The following PTBP1 variants were observed in gnomAD, a reference collection of about 807,000 sequenced individuals.
PTBP1 encodes polypyrimidine tract-binding protein 1.
PTBP1 carries 8 observed loss-of-function variants against 59.8 expected under a neutral mutation model. That is an observed-to-expected ratio of 0.13 (90% CI 0.08 to 0.24). PTBP1 has a LOEUF of 0.24. Ranked by LOEUF, PTBP1 falls within the 10% of genes least tolerant of loss-of-function variation. The probability of loss-of-function intolerance (pLI) is 1.00; values close to 1 mark genes in which losing one functional copy is unlikely to be tolerated. For missense variants in PTBP1, 686 were observed against 767.0 expected, an observed-to-expected ratio of 0.89 and a Z score of 1.25; for synonymous variants, 490 against 320.7, an observed-to-expected ratio of 1.53 and a Z score of -5.64.
At position 808,539 on chromosome 19, in the gene PTBP1, C is replaced by A. The variant is rs1481926679; in HGVS notation, c.1247-7C>A. 1.3e-6 allele frequency: 2 copies of A among 1,581,856 alleles called. No individual in the cohort carries two copies. The highest frequency in any genetic ancestry group is 8.6e-7 in the Non-Finnish European group (1 of 1,166,344). Reference sequence around the variant, plus strand: ...GGCGCCTGGTCACGCGGGTGCTGCTCCCCCAGCCATGAGCCACCTGAACGG... The same window carrying A: ...GGCGCCTGGTCACGCGGGTGCTGCTACCCCAGCCATGAGCCACCTGAACGG... On this transcript the variant is annotated splice_polypyrimidine_tract_variant and splice_region_variant and intron_variant, in intron 12 of 14. Coordinates refer to ENST00000356948, the MANE Select transcript of PTBP1 (RefSeq NM_002819.5). This position sits in a 1 kb window ranked among gnomAD's most constrained non-coding sequence, Gnocchi z 4.7.
In PTBP1 at chr19:812,072, T is replaced by C. The variant is rs1007945078; in HGVS notation, c.*1246T>C. The C allele has an allele frequency of 6.6e-6, 1 of 152,320 alleles. No individual in the cohort carries two copies. Among genetic ancestry groups the C allele is most frequent in the African/African-American group, 2.4e-5 (1 of 41,418 alleles). The allele number at this position is 152,320 out of a possible 1,614,324, so 9.4% of individuals were successfully genotyped here. A position where few individuals can be genotyped will look rare whatever the true frequency, so the allele number is the denominator to read the frequency against. ...GACCCGAGGGGCGGCGGCGCGGTTTTTTATGGTGACACAAATGTATATTTT... is the reference window on the plus strand; with the variant it reads ...GACCCGAGGGGCGGCGGCGCGGTTTCTTATGGTGACACAAATGTATATTTT... On this transcript the variant is annotated 3_prime_UTR_variant, in exon 15 of 15. Transcript: ENST00000356948.
At position 803,582 on chromosome 19, in the gene PTBP1, T is replaced by G; in HGVS notation, c.61T>G (p.Ser21Ala). ...GTKRGSDELF[S>A]TCVTNGPFIM... is the part of the protein sequence containing the mutation. ...GCAGCGGGGATCTGACGAGCTTTTC[T>G]CTACTTGTGTCACTAACGGACCGTT... The change falls in exon 3 of 15, where the codon TCT (serine) becomes GCT (alanine). Residue 21 changes from serine (S) to alanine (A), a missense_variant. Ser to Ala is a moderately conservative substitution (Grantham distance 99, BLOSUM62 1). Transcript: ENST00000356948. 1.2e-6 allele frequency: 2 copies of G among 1,614,170 alleles called. No homozygotes were observed. The highest frequency in any genetic ancestry group is 1.7e-6 in the Non-Finnish European group (2 of 1,180,000).
chr19:806,384 T>G, intron 9 of PTBP1, 24 bp from the exon 10 acceptor site: 1 of 1,587,522 alleles, frequency 6.3e-7, no homozygotes, highest in Non-Finnish European at 8.6e-7. Flanking sequence ...GCGCCGCCGC[T>G]CATCTCACCT....
At chr19:805,801 G>A in intron 9 of PTBP1, 2 of 560,112 alleles carry the variant, frequency 3.6e-6, no homozygotes, top group South Asian at 2.0e-5. Flanking sequence ...GCCGCTAATC[G>A]CACAGTCTTT....
At chr19:807,620 C>T (rs2034644371) in intron 10 of PTBP1, 2 of 477,952 alleles carry the variant, frequency 4.2e-6, no homozygotes, top group African/African-American at 2.0e-5. Context: ...CTGCACGGTA[C>T]TTCTGCTTCC....
chr19:797,643 C>G (rs1270384300), intron 1 of PTBP1, 138 bp downstream of exon 1: 1 of 459,878 alleles, frequency 2.2e-6, no homozygotes, highest in Non-Finnish European at 3.3e-6. Context: ...TTCCTCTCCG[C>G]GTGGCGGGCG....
chr19:810,238 G>A (rs570839837), intron 13 of PTBP1, among the ~76,000 whole-genome samples: 37 of 152,356 alleles, frequency 2.4e-4, no homozygotes, highest in Middle Eastern at 6.8e-3. Flanking sequence ...ACCTGCAGGC[G>A]GAGGTTGTGG....
Position 805,443 on chromosome 19 carries a change from T to G in PTBP1, c.893-49T>G, listed in dbSNP as rs770970261. Reference sequence around the variant, plus strand: ...GCCCATCCCGCAGCACAGCGCCCGCTCGCGGTGGAGGTTGTGGGTGCGATG... The same window carrying G: ...GCCCATCCCGCAGCACAGCGCCCGCGCGCGGTGGAGGTTGTGGGTGCGATG... On this transcript the variant is annotated intron_variant, in intron 8 of 14. Transcript: ENST00000356948. 40 of 1,547,086 alleles carry G rather than the reference T, an allele frequency of 2.6e-5. No homozygotes were observed. In the African/African-American group the frequency reaches 5.2e-4, roughly 20 times the overall value.
chr19:797,861 G>A (rs985252685), intron 1 of PTBP1, among the ~76,000 whole-genome samples: 1 of 148,530 alleles, frequency 6.7e-6, no homozygotes, highest in Non-Finnish European at 1.5e-5. Flanking sequence ...CGCGCGCCCG[G>A]ATGGCCCTTC....
rs375475389 is a variant in PTBP1 at position 808,483 on chromosome 19, G to A, written c.1246+31G>A. 503 of 1,564,410 alleles carry A rather than the reference G, an allele frequency of 3.2e-4. No homozygotes were observed. Among genetic ancestry groups the A allele is most frequent in the Admixed American group, 6.8e-4 (36 of 53,206 alleles). ...AGGCCGGGGCGGCCCCGGGGTGGAG[G>A]GGGCAGGGGCGGGGGCTGCGTTCCC... On this transcript the variant is annotated intron_variant, in intron 12 of 14. Coordinates refer to ENST00000356948, the MANE Select transcript of PTBP1 (RefSeq NM_002819.5). This position sits in a 1 kb window ranked among gnomAD's most constrained non-coding sequence, Gnocchi z 4.7.
At chr19:802,770 CG>C (rs1024595170) in intron 2 of PTBP1, among the ~76,000 whole-genome samples, 4 of 152,138 alleles carry the variant, frequency 2.6e-5, no homozygotes, top group Non-Finnish European at 4.4e-5. Context: ...ATCCTTGCAG[CG>C]GGGGGGATGT....
At chr19:806,612 G>A (rs2034591515) in intron 10 of PTBP1, 56 bp downstream of exon 10, 1 of 1,434,896 alleles carries the variant, frequency 7.0e-7, no homozygotes, top group Non-Finnish European at 9.2e-7. Context: ...AGCAGGGGAT[G>A]TTGTGCTCGG....
At chr19:798,422 T>G (rs2034178220) in intron 1 of PTBP1, 1 of 152,288 alleles carries the variant, frequency 6.6e-6, no homozygotes, top group Non-Finnish European at 1.5e-5. Context: ...TCCGTTTTCC[T>G]GAGAAGTTTT....
Position 804,918 on chromosome 19 carries a change from G to C in PTBP1, c.696G>C (p.Val232=). The C allele has an allele frequency of 6.2e-7, 1 of 1,613,858 alleles. No homozygotes were observed. The highest frequency in any genetic ancestry group is 1.3e-5 in the African/African-American group (1 of 75,024). ...CCCTGCTGCAGTATGCGGACCCCGT[G>C]AGCGCCCAGCACGCCAAGCTGGTGA... The part of the protein sequence containing the change: ...FQALLQYADP[V]SAQHAKLSLD... Residue 232 remains valine (V), a synonymous_variant, in exon 7 of 15, where the codon GTG becomes GTC. Transcript: ENST00000356948.
chr19:801,632 C>T (rs907151511), intron 2 of PTBP1, among the ~76,000 whole-genome samples: 6 of 152,204 alleles, frequency 3.9e-5, no homozygotes, highest in African/African-American at 4.8e-5. Context: ...TGGACGGGGT[C>T]GGCTCCTGGG....
In PTBP1 at chr19:808,063, T is replaced by C. The variant is rs1376066196; in HGVS notation, c.1153+161T>C. ...GGTTTGCGAATTTTATTTGGTCCCGTAGATACGTACGCATGGTTTATCGCC... is the reference window on the plus strand; with the variant it reads ...GGTTTGCGAATTTTATTTGGTCCCGCAGATACGTACGCATGGTTTATCGCC... On this transcript the variant is annotated intron_variant, in intron 11 of 14. Transcript: ENST00000356948. This position sits in a 1 kb window ranked among gnomAD's most constrained non-coding sequence, Gnocchi z 4.7. The C allele has an allele frequency of 1.4e-6, 1 of 719,710 alleles. No individual in the cohort carries two copies. The highest frequency in any genetic ancestry group is 1.6e-5 in the South Asian group (1 of 60,908). The allele number at this position is 719,710 out of a possible 1,614,324, so 44.6% of individuals were successfully genotyped here. A position where few individuals can be genotyped will look rare whatever the true frequency, so the allele number is the denominator to read the frequency against.
chr19:807,901 C>T lies in PTBP1; in HGVS notation c.1152C>T (p.Phe384=), dbSNP rs138165723. The change falls in exon 11 of 15, where the codon TTC becomes TTT. Residue 384 remains phenylalanine, a splice_region_variant and synonymous_variant. Transcript: ENST00000356948. ...RVTPQSLFIL[F]GVYGDVQRVK... is the part of the protein sequence containing the mutation. Reference sequence around the variant, plus strand: ...CACCCCAAAGCCTCTTTATTCTTTTCGGTATGTTATCGTTCACACTTTTAT... The same window carrying T: ...CACCCCAAAGCCTCTTTATTCTTTTTGGTATGTTATCGTTCACACTTTTAT... 3.1e-6 allele frequency: 5 copies of T among 1,612,302 alleles called. No individual in the cohort carries two copies. The highest frequency in any genetic ancestry group is 1.7e-4 in the Middle Eastern group (1 of 6,060).
rs141351844 is a variant in PTBP1 at position 801,471 on chromosome 19, A to G, written c.39+2028A>G. ...GATTAGGGCTTCAGGCAGGCGGCCA[A>G]GAGGACCGCTCAGAGGAAGCGGCCC... On this transcript the variant is annotated intron_variant, in intron 2 of 14. Coordinates refer to ENST00000356948, the MANE Select transcript of PTBP1 (RefSeq NM_002819.5). Among the ~76,000 whole-genome samples the G allele has an allele frequency of 9.5e-3, 1,444 of 152,380 alleles. 7 individuals are homozygous for G. The highest frequency in any genetic ancestry group is 0.014 in the Non-Finnish European group (929 of 68,032).
At position 797,477 on chromosome 19, in the gene PTBP1, CG is replaced by C; in HGVS notation, c.-20del. On this transcript the variant is annotated 5_prime_UTR_variant, in exon 1 of 15. Transcript: ENST00000356948. ...ATTCCGGCGCCTCCACTCCGTCCCC[CG>C]CGGGTCTGCTCTGTGTGCCATGGAC... 1 of 1,595,306 alleles carries C rather than the reference CG, an allele frequency of 6.3e-7. No individual in the cohort carries two copies. The highest frequency in any genetic ancestry group is 8.5e-7 in the Non-Finnish European group (1 of 1,174,356).
Sources: gnomAD v4.1 joint callset for allele counts (sites outside exome capture counted in the v4.1 genomes callset) on GRCh38, gnomAD v4.1.1 for gene constraint, Gnocchi (gnomAD v3.1) non-coding constraint, MANE v1.5 for transcripts, NCBI Gene and HGNC (gene_info 2026-07-23, HGNC 2026-07-21) for gene names.